The following RAP1GAP variants were observed in gnomAD, a reference collection of about 807,000 sequenced individuals.
The protein encoded by RAP1GAP is rap1 GTPase-activating protein 1.
A neutral mutation model predicts 87.2 loss-of-function variants in RAP1GAP; 35 were observed. That is an observed-to-expected ratio of 0.40 (90% CI 0.31 to 0.53). The LOEUF is 0.53. Ranked by LOEUF, RAP1GAP falls within the 20% of genes least tolerant of loss-of-function variation. The probability of loss-of-function intolerance (pLI) is 0.48; values close to 1 mark genes in which losing one functional copy is unlikely to be tolerated. For missense variants in RAP1GAP, 734 were observed against 898.9 expected, an observed-to-expected ratio of 0.82 and a Z score of 2.35; for synonymous variants, 375 against 363.9, an observed-to-expected ratio of 1.03 and a Z score of -0.35.
chr1:21,608,967 A>T, intron 15 of RAP1GAP, 31 bp from the exon 16 acceptor site: 1 of 1,575,670 alleles, frequency 6.3e-7, no homozygotes, highest in Non-Finnish European at 8.7e-7. Context: ...GGAGATAAGG[A>T]AGGGAAGTTG....
In RAP1GAP at chr1:21,599,616, C is replaced by A; in HGVS notation, c.1654G>T (p.Ala552Ser). Residue 552 changes from alanine (A) to serine (S), a missense_variant and splice_region_variant, in exon 21 of 25, where the codon GCG (alanine) becomes TCG (serine). This residue lies in a region of RAP1GAP where 249 missense variants were observed against 252.7 expected (regional missense o/e 0.99). Transcript: ENST00000374765. ...TCTGCTCTCTGCGCTGCGGTCTCCG[C>A]TCTGCCACAGACAGTGCCCCATTAG... ...SPEMPTTKNR[A>S]ETAAQRAEAL... is the part of the protein sequence containing the mutation. 1 of 1,604,432 alleles carries A rather than the reference C, an allele frequency of 6.2e-7. No individual in the cohort carries two copies.
chr1:21,633,036 G>A (rs948674158), intron 2 of RAP1GAP, among the ~76,000 whole-genome samples: 4 of 152,110 alleles, frequency 2.6e-5, no homozygotes, highest in African/African-American at 9.7e-5. Context: ...GTGGTGAGAG[G>A]GTCCTGTCTT....
intron 2 of RAP1GAP, among the ~76,000 whole-genome samples, chr1:21,644,402 C>T (rs1398474125): frequency 6.6e-6 from 1 of 152,174 alleles, no homozygotes; most frequent in Non-Finnish European, 1.5e-5. Flanking sequence ...CTCAGCTTTG[C>T]CAAGGGACCT....
At chr1:21,639,640 TAGAGA>T (rs2095311606) in intron 2 of RAP1GAP, among the ~76,000 whole-genome samples, 1 of 152,076 alleles carries the variant, frequency 6.6e-6, no homozygotes, top group South Asian at 2.1e-4. Flanking sequence ...CTTGCACGTG[TAGAGA>T]AGAGTTATGA....
Position 21,634,638 on chromosome 1 carries a change from G to A in RAP1GAP, c.-112-8241C>T, listed in dbSNP as rs1411122202. The A allele has an allele frequency of 1.8e-5, 4 of 225,362 alleles. No homozygotes were observed. The highest frequency in any genetic ancestry group is 1.6e-4 in the East Asian group (1 of 6,320). 14.0% of individuals were successfully genotyped at this position (225,362 alleles called of 1,614,324 possible). A position where few individuals can be genotyped will look rare whatever the true frequency, so the allele number is the denominator to read the frequency against. On this transcript the variant is annotated intron_variant, in intron 2 of 24. Coordinates refer to ENST00000374765, the MANE Select transcript of RAP1GAP (RefSeq NM_002885.4). The surrounding 1 kb of genome is among the most constrained non-coding windows in gnomAD (Gnocchi z 4.1). ...ATGCTGGCTGCATGCCGAGACACCCGGATCCCGGAGCTGGGCCAGGCAGAG... is the reference window on the plus strand; with the variant it reads ...ATGCTGGCTGCATGCCGAGACACCCAGATCCCGGAGCTGGGCCAGGCAGAG...
intron 1 of RAP1GAP, among the ~76,000 whole-genome samples, chr1:21,655,971 T>C (rs1375477412): frequency 6.6e-6 from 1 of 152,212 alleles, no homozygotes; most frequent in Non-Finnish European, 1.5e-5. Flanking sequence ...CCCCGAGTCA[T>C]ACTCATTCAG....
Position 21,609,676 on chromosome 1 carries a change from T to C in RAP1GAP, c.1000-30A>G. 1 of 1,525,578 alleles carries C rather than the reference T, an allele frequency of 6.6e-7. No individual in the cohort carries two copies. The highest frequency in any genetic ancestry group is 8.8e-7 in the Non-Finnish European group (1 of 1,131,290). The allele number at this position is 1,525,578 out of a possible 1,614,324, so 94.5% of individuals were successfully genotyped here. A position where few individuals can be genotyped will look rare whatever the true frequency, so the allele number is the denominator to read the frequency against. On this transcript the variant is annotated intron_variant, in intron 14 of 24. Transcript: ENST00000374765. This position sits in a 1 kb window ranked among gnomAD's most constrained non-coding sequence, Gnocchi z 4.4. ...AAGGGAGGGCAGCTGTCTGTTCCTG[T>C]GGAGCCTGGGGTCTGCTCTGCCCCA...
chr1:21,612,696 G>A (rs772300627), intron 10 of RAP1GAP, among the ~76,000 whole-genome samples: 41 of 152,142 alleles, frequency 2.7e-4, no homozygotes, highest in Non-Finnish European at 5.4e-4. Context: ...CTTCCAGGAG[G>A]TGCCCCTGGC....
chr1:21,651,928 T>C (rs2096606072), intron 1 of RAP1GAP: 26 of 917,172 alleles, frequency 2.8e-5, no homozygotes, highest in Non-Finnish European at 3.3e-5. Context: ...CCGCCCCAGC[T>C]CGGATACGTC....
intron 2 of RAP1GAP, among the ~76,000 whole-genome samples, chr1:21,633,344 G>A (rs2094131736): frequency 6.6e-6 from 1 of 152,148 alleles, no homozygotes; most frequent in Non-Finnish European, 1.5e-5. Context: ...AACCTCCCCA[G>A]GCTGCAGGCA....
rs2071604904 is a variant in RAP1GAP, at chr1:21,603,982, T to G, written c.1429-1069A>C. ...GAGAGTCAGAGAGCAAGAGAGATGG[T>G]GGGAGGGAGACACAGAGAGGAGGAG... On this transcript the variant is annotated intron_variant, in intron 18 of 24. Transcript: ENST00000374765. This position sits in a 1 kb window ranked among gnomAD's most constrained non-coding sequence, Gnocchi z 6.0. The G allele has an allele frequency of 8.3e-7, 1 of 1,210,644 alleles. No homozygotes were observed. Among genetic ancestry groups the G allele is most frequent in the Non-Finnish European group, 1.1e-6 (1 of 874,780 alleles). The allele number at this position is 1,210,644 out of a possible 1,614,324, so 75.0% of individuals were successfully genotyped here.
At chr1:21,663,723 C>T (rs1023090463) in intron 1 of RAP1GAP, among the ~76,000 whole-genome samples, 1 of 152,174 alleles carries the variant, frequency 6.6e-6, no homozygotes, top group Non-Finnish European at 1.5e-5. Flanking sequence ...CCATCTGCCC[C>T]ACCTCCACCT....
intron 2 of RAP1GAP, 116 bp from the exon 3 acceptor site, chr1:21,626,513 A>T: frequency 1.2e-6 from 1 of 834,132 alleles, no homozygotes. Flanking sequence ...CACGGAGGAG[A>T]GGGTCATGGG....
Position 21,603,311 on chromosome 1 carries a change from G to A in RAP1GAP, c.1429-398C>T, listed in dbSNP as rs1172483858. 1.5e-5 allele frequency: 6 copies of A among 389,404 alleles called. No individual in the cohort carries two copies. The highest frequency in any genetic ancestry group is 1.0e-4 in the African/African-American group (5 of 48,820). 24.1% of individuals were successfully genotyped at this position (389,404 alleles called of 1,614,324 possible). ...CAAGTCCCACCCCGTGCCAGCTAGG[G>A]CCCCTCCCCGGAACCTCCAAATTGG... On this transcript the variant is annotated intron_variant, in intron 18 of 24. Coordinates refer to ENST00000374765, the MANE Select transcript of RAP1GAP (RefSeq NM_002885.4). This position sits in a 1 kb window ranked among gnomAD's most constrained non-coding sequence, Gnocchi z 6.0.
In RAP1GAP at chr1:21,607,293, T is replaced by G. The variant is rs558081640; in HGVS notation, c.1296+920A>C. Among the ~76,000 whole-genome samples the G allele has an allele frequency of 9.8e-4, 149 of 152,320 alleles. 3 individuals carry two copies. Among genetic ancestry groups the G allele is most frequent in the Non-Finnish European group, 3.4e-4 (23 of 68,024 alleles). On this transcript the variant is annotated intron_variant, in intron 17 of 24. Coordinates refer to ENST00000374765, the MANE Select transcript of RAP1GAP (RefSeq NM_002885.4). ...ATTTGCTGAGGCAGACAGGCAAGGT[T>G]TTGCATTTTGCTTTTAAACTTGTAT...
intron 21 of RAP1GAP, among the ~76,000 whole-genome samples, chr1:21,599,175 A>G (rs1468134384): frequency 6.6e-6 from 1 of 152,224 alleles, no homozygotes; most frequent in Non-Finnish European, 1.5e-5. Flanking sequence ...GCAAAGGGCC[A>G]GGGGTGCAGT....
intron 1 of RAP1GAP, among the ~76,000 whole-genome samples, chr1:21,666,465 C>G (rs2097351777): frequency 6.6e-6 from 1 of 152,180 alleles, no homozygotes; most frequent in Non-Finnish European, 1.5e-5. Context: ...AAGGAGCAGC[C>G]TGGGGAGAGG....
At chr1:21,650,831 AC>A (rs1277727238) in intron 1 of RAP1GAP, among the ~76,000 whole-genome samples, 1 of 148,232 alleles carries the variant, frequency 6.7e-6, no homozygotes, top group Non-Finnish European at 1.5e-5. Flanking sequence ...CTCCCACCCC[AC>A]CCCACCCTCT....
chr1:21,598,385 G>C lies in RAP1GAP; in HGVS notation c.1879+15C>G. On this transcript the variant is annotated intron_variant, in intron 22 of 24. Coordinates refer to ENST00000374765, the MANE Select transcript of RAP1GAP (RefSeq NM_002885.4). The stretch of plus-strand genomic sequence containing the variant: ...GGTAGCCCTGCTTTGTGGGGAAGCT[G>C]CCTTGTCCTGGTACCTGGGGAGCTG... 1 of 1,598,680 alleles carries C rather than the reference G, an allele frequency of 6.3e-7. No homozygotes were observed. The highest frequency in any genetic ancestry group is 2.2e-5 in the East Asian group (1 of 44,830).
Sources: gnomAD v4.1 joint callset for allele counts (sites outside exome capture counted in the v4.1 genomes callset) on GRCh38, gnomAD v4.1.1 for gene constraint, gnomAD v4.1.1 regional missense constraint, Gnocchi (gnomAD v3.1) non-coding constraint, MANE v1.5 for transcripts, NCBI Gene and HGNC (gene_info 2026-07-23, HGNC 2026-07-21) for gene names.